SRPRA: variants seen among roughly 807,000 people sequenced by gnomAD.
SRPRA encodes signal recognition particle receptor subunit alpha.
SRPRA carries 30 observed loss-of-function variants against 61.1 expected under a neutral mutation model. That is an observed-to-expected ratio of 0.49 (90% confidence interval 0.37 to 0.67). The LOEUF (loss-of-function observed/expected upper bound fraction) is 0.67, where lower values mean the gene tolerates loss of function less well. Ranked by LOEUF, SRPRA falls within the 30% of genes least tolerant of loss-of-function variation. SRPRA has a pLI of 0.00. For missense variants in SRPRA, 759 were observed against 828.4 expected, an observed-to-expected ratio of 0.92 and a Z score of 1.03; for synonymous variants, 324 against 299.7, an observed-to-expected ratio of 1.08 and a Z score of -0.84.
chr11:126,254,606 G>A, the SRPRA span, among the ~76,000 whole-genome samples: 4 of 152,244 alleles, frequency 2.6e-5, no homozygotes, highest in Non-Finnish European at 4.4e-5. Flanking sequence ...GCCAAGGGGA[G>A]AGGATCACCT....
chr11:126,256,945 G>A, the SRPRA span: 7 of 1,312,924 alleles, frequency 5.3e-6, no homozygotes, highest in Admixed American at 6.5e-5. The surrounding 1 kb of genome is among the most constrained non-coding windows in gnomAD (Gnocchi z 6.6). Context: ...TAGTTGCCAA[G>A]ATGAGGAATG....
In SRPRA at chr11:126,267,535, G is replaced by A. The variant is rs1330248248; in HGVS notation, c.365+14C>T. On this transcript the variant is annotated intron_variant, in intron 3 of 13. Coordinates refer to ENST00000332118, the MANE Select transcript of SRPRA (RefSeq NM_003139.4). This position sits in a 1 kb window ranked among gnomAD's most constrained non-coding sequence, Gnocchi z 4.2. ...ATGGAAATAAATTGATTTTAGAGAAGGCAGGTCTCTCACCGAAGGAGCCGC... is the reference window on the plus strand; with the variant it reads ...ATGGAAATAAATTGATTTTAGAGAAAGCAGGTCTCTCACCGAAGGAGCCGC... 1.2e-6 allele frequency: 2 copies of A among 1,613,664 alleles called. No individual in the cohort carries two copies. Among genetic ancestry groups the A allele is most frequent in the South Asian group, 2.2e-5 (2 of 91,066 alleles).
At chr11:126,261,532 T>C (rs1410754493), downstream of SRPRA, 5 of 1,488,100 alleles carry the variant, frequency 3.4e-6, no homozygotes, top group Non-Finnish European at 3.7e-6. Context: ...GCAGAAAGTC[T>C]TTCTAGGTCC....
chr11:126,258,315 A>G (rs1435693044), downstream of SRPRA, among the ~76,000 whole-genome samples: 4 of 152,320 alleles, frequency 2.6e-5, no homozygotes, highest in Non-Finnish European at 5.9e-5. Context: ...TGAGCCCAGG[A>G]GTTGGAGTCT....
the SRPRA span, among the ~76,000 whole-genome samples, chr11:126,236,972 A>C: frequency 7.4e-5 from 10 of 135,276 alleles, no homozygotes; most frequent in African/African-American, 2.6e-4. Context: ...GCTGGAGTGC[A>C]GTGACACTAT....
downstream of SRPRA, chr11:126,260,395 GA>G (rs1414709499): frequency 4.5e-5 from 4 of 89,020 alleles, no homozygotes; most frequent in South Asian, 4.3e-4. Flanking sequence ...AAAATATAGT[GA>G]TTTTTTTTTT....
Position 126,265,224 on chromosome 11 carries a change from A to C in SRPRA, c.1311+44T>G, listed in dbSNP as rs1433250152. ...CCTAAAGCCAGGATTTTGAGACACA[A>C]GAAGTACAGAAATATCAGCGATAGG... On this transcript the variant is annotated intron_variant, in intron 10 of 13. Coordinates refer to ENST00000332118, the MANE Select transcript of SRPRA (RefSeq NM_003139.4). This position sits in a 1 kb window ranked among gnomAD's most constrained non-coding sequence, Gnocchi z 6.3. The C allele has an allele frequency of 5.6e-6, 9 of 1,613,824 alleles. No homozygotes were observed. The East Asian group carries it at 2.0e-4, about 36-fold the overall frequency.
At chr11:126,260,708 A>G (rs572133116), downstream of SRPRA, 3 of 152,364 alleles carry the variant, frequency 2.0e-5, no homozygotes, top group South Asian at 2.1e-4. Flanking sequence ...CTACGAGGGT[A>G]ATATCAATTT....
chr11:126,264,059 A>C lies in SRPRA; in HGVS notation c.1789-15T>G. ...GCAGCTCCCACCTAAGTGGAGAAAG[A>C]GGACAGCCCATCAACACAAGCCCAC... is the stretch of plus-strand genomic sequence containing the variant. On this transcript the variant is annotated splice_polypyrimidine_tract_variant and intron_variant, in intron 13 of 13. Coordinates refer to ENST00000332118, the MANE Select transcript of SRPRA (RefSeq NM_003139.4). This position sits in a 1 kb window ranked among gnomAD's most constrained non-coding sequence, Gnocchi z 5.0. 1.2e-6 allele frequency: 2 copies of C among 1,614,074 alleles called. No individual in the cohort carries two copies. Among genetic ancestry groups the C allele is most frequent in the Non-Finnish European group, 1.7e-6 (2 of 1,179,948 alleles).
At chr11:126,261,175 T>TA, downstream of SRPRA, 2 of 477,680 alleles carry the variant, frequency 4.2e-6, no homozygotes, top group Non-Finnish European at 7.5e-6. Flanking sequence ...ATGTAAAATG[T>TA]AAAATGTTTT....
At position 126,266,046 on chromosome 11, in the gene SRPRA, A is replaced by G. The variant is rs1380434953; in HGVS notation, c.968T>C (p.Met323Thr). The G allele has an allele frequency of 1.2e-6, 2 of 1,614,214 alleles. No individual in the cohort carries two copies. The highest frequency in any genetic ancestry group is 1.1e-5 in the South Asian group (1 of 91,092). Residue 323 changes from methionine to threonine, a missense_variant, in exon 8 of 14, where the codon ATG (methionine) becomes ACG (threonine). This residue lies in a region of SRPRA where 475 missense variants were observed against 462.5 expected (regional missense o/e 1.03). Coordinates refer to ENST00000332118, the MANE Select transcript of SRPRA (RefSeq NM_003139.4). ...CTTTGAACCCACAAGGCCCTTCAGC[A>G]TACCAAACATGCCACCCAGTGTTCC... ...TKGTLGGMFG[M>T]LKGLVGSKSL... is the part of the protein sequence containing the mutation.
At chr11:126,254,935 A>G in the SRPRA span, among the ~76,000 whole-genome samples, 1 of 152,094 alleles carries the variant, frequency 6.6e-6, no homozygotes, top group Admixed American at 6.6e-5. Flanking sequence ...GTCAAACCCT[A>G]TGATCTTTGT....
chr11:126,240,715 A>G, the SRPRA span: 2 of 1,422,628 alleles, frequency 1.4e-6, no homozygotes, highest in Admixed American at 2.3e-5. Flanking sequence ...AAAAACTGTA[A>G]CCTGAGTCAG....
the SRPRA span, among the ~76,000 whole-genome samples, chr11:126,247,487 A>T: frequency 6.6e-6 from 1 of 152,152 alleles, no homozygotes; most frequent in Non-Finnish European, 1.5e-5. Context: ...GCAAGAAAAT[A>T]TGTTCCACAC....
the SRPRA span, among the ~76,000 whole-genome samples, chr11:126,239,924 C>T: frequency 6.6e-6 from 1 of 152,188 alleles, no homozygotes; most frequent in African/African-American, 2.4e-5. Context: ...AAGTGCTATT[C>T]CTTTCTTGAG....
intron 1 of SRPRA, 46 bp downstream of exon 1, chr11:126,268,642 G>A (rs1340465077): frequency 1.1e-5 from 17 of 1,525,408 alleles, no homozygotes; most frequent in Non-Finnish European, 1.5e-5. Flanking sequence ...CCATGGATCG[G>A]GTCAGGAAAG....
At chr11:126,244,149 G>A in the SRPRA span, among the ~76,000 whole-genome samples, 3 of 152,154 alleles carry the variant, frequency 2.0e-5, no homozygotes, top group African/African-American at 7.2e-5. The surrounding 1 kb of genome is among the most constrained non-coding windows in gnomAD (Gnocchi z 4.5). Context: ...ATTTAATGGT[G>A]AAAGACTGGA....
chr11:126,255,255 T>C, the SRPRA span, among the ~76,000 whole-genome samples: 2 of 152,248 alleles, frequency 1.3e-5, no homozygotes, highest in Non-Finnish European at 2.9e-5. This position sits in a 1 kb window ranked among gnomAD's most constrained non-coding sequence, Gnocchi z 4.6. Context: ...AAACCAGAAG[T>C]ATTCGCTGCC....
Position 126,267,244 on chromosome 11 carries a change from T to G in SRPRA, c.457A>C (p.Ile153Leu). The G allele has an allele frequency of 8.7e-6, 14 of 1,614,186 alleles. No homozygotes were observed. Among genetic ancestry groups the G allele is most frequent in the Non-Finnish European group, 1.1e-5 (13 of 1,180,046 alleles). Residue 153 changes from isoleucine to leucine, a missense_variant, in exon 4 of 14, where the codon ATT becomes CTT. Physicochemically the swap from Ile to Leu is conservative, Grantham distance 5. Transcript: ENST00000332118. This position sits in a 1 kb window ranked among gnomAD's most constrained non-coding sequence, Gnocchi z 4.2. ...EKAKKPVRSM[I>L]ETRGEKPKEK... ...TTGGGCTTTTCCCCCCGTGTCTCAA[T>G]CATGGACCTCACAGGTTTCTTGGCC...
Sources: gnomAD v4.1 joint callset for allele counts (sites outside exome capture counted in the v4.1 genomes callset) on GRCh38, gnomAD v4.1.1 for gene constraint, gnomAD v4.1.1 regional missense constraint, Gnocchi (gnomAD v3.1) non-coding constraint, MANE v1.5 for transcripts, NCBI Gene and HGNC (gene_info 2026-07-23, HGNC 2026-07-21) for gene names.